FSD2: variants seen among roughly 807,000 people sequenced by gnomAD.
The protein encoded by FSD2 is fibronectin type III and SPRY domain containing 2.
A neutral mutation model predicts 80.4 loss-of-function variants in FSD2; 71 were observed. The ratio of observed to expected loss-of-function variants is 0.88; its 90% CI spans 0.73 to 1.08. The LOEUF (loss-of-function observed/expected upper bound fraction) is 1.08, where lower values mean the gene tolerates loss of function less well. Among genes scored for constraint, FSD2 ranks in the 50% least tolerant of loss-of-function variants. FSD2 has a pLI of 0.00. For synonymous variants in FSD2, 361 were observed against 329.5 expected, an observed-to-expected ratio of 1.10 and a Z score of -1.03; for missense variants, 923 against 913.8, an observed-to-expected ratio of 1.01 and a Z score of -0.13.
chr15:82,759,414 CA>C lies in FSD2; in HGVS notation c.2183del (p.Leu728TrpfsTer7), dbSNP rs1201788966. On this transcript the variant is annotated frameshift_variant, in exon 13 of 13. Coordinates refer to ENST00000334574, the MANE Select transcript of FSD2 (RefSeq NM_001007122.4). LOFTEE classifies it high-confidence loss of function. ...GTACCTTTAGACACCCAGGCTTTTC[CA>C]AAGAAAAACAGGGATGCACAAATTC... ...LHEFVHPCFS[L>X]EKPGCLKVHN... 3 of 1,613,430 alleles carry C rather than the reference CA, an allele frequency of 1.9e-6. No individual in the cohort carries two copies. Among genetic ancestry groups the C allele is most frequent in the Non-Finnish European group, 2.5e-6 (3 of 1,179,716 alleles).
At chr15:82,805,899 A>C (rs1467703323) in intron 1 of FSD2, 67 bp downstream of exon 1, 1 of 152,266 alleles carries the variant, frequency 6.6e-6, no homozygotes. Flanking sequence ...TATTGCATTA[A>C]TATTGCAGCA....
At chr15:82,790,232 T>C (rs150877048) in intron 1 of FSD2, among the ~76,000 whole-genome samples, 28 of 152,278 alleles carry the variant, frequency 1.8e-4, no homozygotes, top group Middle Eastern at 3.4e-3. Context: ...AGTTCTCTGA[T>C]GGCCAGAGGA....
chr15:82,777,497 C>T (rs560584665), intron 6 of FSD2, among the ~76,000 whole-genome samples: 8 of 152,148 alleles, frequency 5.3e-5, no homozygotes, highest in South Asian at 2.1e-4. Context: ...CAGGAAAATG[C>T]GCATCAAAAC....
At chr15:82,792,414 C>G (rs1028378946) in intron 1 of FSD2, among the ~76,000 whole-genome samples, 1 of 152,176 alleles carries the variant, frequency 6.6e-6, no homozygotes, top group Non-Finnish European at 1.5e-5. Flanking sequence ...TGTATACCTG[C>G]TTTGAAGAAA....
chr15:82,786,586 C>T lies in FSD2; in HGVS notation c.660G>A (p.Met220Ile). 1.9e-6 allele frequency: 3 copies of T among 1,613,534 alleles called. No homozygotes were observed. Among genetic ancestry groups the T allele is most frequent in the Non-Finnish European group, 2.5e-6 (3 of 1,179,640 alleles). Residue 220 changes from methionine (M) to isoleucine (I), a missense_variant, in exon 3 of 13, where the codon ATG (methionine) becomes ATA (isoleucine). Physicochemically the swap from Met to Ile is conservative, Grantham distance 10. Transcript: ENST00000334574. ...ESAKDEIHKN[M>I]YKLEKQIIEM... The stretch of plus-strand genomic sequence containing the variant: ...CAATTATCTGCTTTTCCAATTTGTA[C>T]ATGTTTTTGTGAATTTCATCCTATC...
intron 6 of FSD2, among the ~76,000 whole-genome samples, chr15:82,777,398 T>C (rs1017583645): frequency 6.6e-6 from 1 of 152,244 alleles, no homozygotes; most frequent in Admixed American, 6.5e-5. Context: ...GATTAAAAAA[T>C]GGGCAAAGAA....
At chr15:82,779,697 C>T (rs933824753) in intron 5 of FSD2, among the ~76,000 whole-genome samples, 1 of 151,534 alleles carries the variant, frequency 6.6e-6, no homozygotes, top group African/African-American at 2.4e-5. Context: ...GAAACCAGTT[C>T]CATCTTTGCC....
At chr15:82,804,920 T>C (rs952103842) in intron 1 of FSD2, among the ~76,000 whole-genome samples, 2 of 152,154 alleles carry the variant, frequency 1.3e-5, no homozygotes, top group African/African-American at 4.8e-5. Flanking sequence ...AAATCAGGAT[T>C]TGGGGAGAAA....
intron 1 of FSD2, among the ~76,000 whole-genome samples, chr15:82,801,409 C>T (rs945435429): frequency 3.3e-5 from 5 of 152,188 alleles, no homozygotes; most frequent in African/African-American, 9.7e-5. Context: ...GACAAAAACA[C>T]AAGAACCAAC....
chr15:82,769,356 G>T (rs942096167), intron 8 of FSD2, among the ~76,000 whole-genome samples: 6 of 151,982 alleles, frequency 3.9e-5, no homozygotes, highest in African/African-American at 1.5e-4. Flanking sequence ...GATCACTTGA[G>T]GTCAGGAGTT....
chr15:82,782,563 C>T (rs898057435), intron 4 of FSD2, among the ~76,000 whole-genome samples: 4 of 152,280 alleles, frequency 2.6e-5, no homozygotes, highest in Admixed American at 2.0e-4. Context: ...AGAGAGTCTG[C>T]GCTGTGAGTC....
chr15:82,794,207 T>C (rs1031795270), intron 1 of FSD2, among the ~76,000 whole-genome samples: 1 of 152,208 alleles, frequency 6.6e-6, no homozygotes, highest in Non-Finnish European at 1.5e-5. Flanking sequence ...AAGTATTTTC[T>C]AACTTCCATT....
chr15:82,760,980 C>T (rs2049284075), intron 12 of FSD2, among the ~76,000 whole-genome samples: 1 of 152,190 alleles, frequency 6.6e-6, no homozygotes, highest in Admixed American at 6.5e-5. Flanking sequence ...TTTAGTCTTA[C>T]TTCAGGCAGA....
At chr15:82,780,369 C>G (rs1437546014) in intron 4 of FSD2, 102 bp from the exon 5 acceptor site, 9 of 817,112 alleles carry the variant, frequency 1.1e-5, no homozygotes, top group Non-Finnish European at 1.3e-5. Flanking sequence ...GAGTCTCACT[C>G]TGTCCCCCAG....
intron 3 of FSD2, 58 bp downstream of exon 3, chr15:82,786,453 G>T: frequency 2.3e-6 from 3 of 1,279,022 alleles, no homozygotes; most frequent in South Asian, 2.5e-5. Context: ...ACAGCTGCTT[G>T]ACATAGCCAT....
intron 6 of FSD2, among the ~76,000 whole-genome samples, chr15:82,775,847 T>G (rs1258549560): frequency 6.6e-6 from 1 of 152,268 alleles, no homozygotes; most frequent in Non-Finnish European, 1.5e-5. Context: ...CATTTTCATT[T>G]ATCTCAAGGT....
chr15:82,804,624 C>T (rs374594520), intron 1 of FSD2, among the ~76,000 whole-genome samples: 123 of 152,204 alleles, frequency 8.1e-4, no homozygotes, highest in African/African-American at 2.9e-3. Context: ...CCATGTGCTA[C>T]CCAAAGGGAA....
At chr15:82,797,096 A>G (rs973503230) in intron 1 of FSD2, among the ~76,000 whole-genome samples, 1 of 150,882 alleles carries the variant, frequency 6.6e-6, no homozygotes, top group Non-Finnish European at 1.5e-5. Flanking sequence ...TCAATGGTGG[A>G]GGGTGAATGA....
Position 82,787,289 on chromosome 15 carries a change from G to A in FSD2, c.102C>T (p.His34=), listed in dbSNP as rs922934996. 2 of 1,613,882 alleles carry A rather than the reference G, an allele frequency of 1.2e-6. No homozygotes were observed. Among genetic ancestry groups the A allele is most frequent in the Non-Finnish European group, 8.5e-7 (1 of 1,179,876 alleles). ...MDLYDSEDRL[H]LFPEENTRMR... ...TCCTAGTGTTCTCTTCTGGAAAGAG[G>A]TGCAGTCTGTCTTCAGAGTCATACA... is the stretch of plus-strand genomic sequence containing the variant. The change falls in exon 2 of 13, where the codon CAC becomes CAT. Residue 34 remains histidine (H), a synonymous_variant. Transcript: ENST00000334574.
Sources: allele counts gnomAD v4.1 joint callset (sites outside exome capture counted in the v4.1 genomes callset), GRCh38; gene constraint gnomAD v4.1.1; transcripts MANE v1.5; gene names NCBI Gene and HGNC (gene_info 2026-07-23, HGNC 2026-07-21).